Variants in ASF1B observed in about 807,000 individuals in gnomAD.
ASF1B encodes the protein histone chaperone ASF1B.
ASF1B carries 10 observed loss-of-function variants against 16.6 expected under a neutral mutation model. The ratio of observed to expected loss-of-function variants is 0.60; its 90% CI spans 0.37 to 1.02. The LOEUF (loss-of-function observed/expected upper bound fraction) is 1.02, where lower values mean the gene tolerates loss of function less well. Among genes scored for constraint, ASF1B ranks in the 50% least tolerant of loss-of-function variants. The pLI is 0.01. For missense variants in ASF1B, 240 were observed against 266.0 expected, an observed-to-expected ratio of 0.90 and a Z score of 0.68; for synonymous variants, 101 against 106.2, an observed-to-expected ratio of 0.95 and a Z score of 0.30.
chr19:14,133,132 A>G (rs1967431976), intron 1 of ASF1B, among the ~76,000 whole-genome samples: 1 of 151,490 alleles, frequency 6.6e-6, no homozygotes, highest in South Asian at 2.1e-4. Flanking sequence ...AAATAAATAA[A>G]TAAATAAATA....
chr19:14,136,560 C>G lies in ASF1B; in HGVS notation c.-104G>C, dbSNP rs879792270. 2.6e-5 allele frequency: 22 copies of G among 843,940 alleles called. No homozygotes were observed. Among genetic ancestry groups the G allele is most frequent in the African/African-American group, 1.7e-5 (1 of 58,262 alleles). 52.3% of individuals were successfully genotyped at this position (843,940 alleles called of 1,614,324 possible). ...TGGGGTAGGGCTGACCAGGTCCACT[C>G]CCGCCTCTTCTCTCCGAGAACTGAA... On this transcript the variant is annotated 5_prime_UTR_variant, in exon 1 of 4. Transcript: ENST00000263382.
At chr19:14,129,521 A>G (rs1348409669) in intron 1 of ASF1B, among the ~76,000 whole-genome samples, 2 of 150,860 alleles carry the variant, frequency 1.3e-5, no homozygotes, top group Non-Finnish European at 3.0e-5. Flanking sequence ...TACTAAAAAT[A>G]TAAAAATTTA....
chr19:14,126,045 GC>G, intron 2 of ASF1B, 76 bp downstream of exon 2: 1 of 1,186,256 alleles, frequency 8.4e-7, no homozygotes, highest in Non-Finnish European at 1.2e-6. Context: ...GATTCCTGAA[GC>G]ACTCTGTGGG....
At chr19:14,127,518 G>A (rs1967336395) in intron 1 of ASF1B, among the ~76,000 whole-genome samples, 1 of 152,188 alleles carries the variant, frequency 6.6e-6, no homozygotes, top group South Asian at 2.1e-4. Flanking sequence ...CTGCAGGAGG[G>A]GGAAGGTGAG....
intron 2 of ASF1B, among the ~76,000 whole-genome samples, chr19:14,125,866 T>C (rs1259896147): frequency 6.6e-6 from 1 of 152,094 alleles, no homozygotes; most frequent in East Asian, 1.9e-4. Context: ...ATGTTTTTAA[T>C]ACTTGTTTTT....
At chr19:14,126,302 C>A in intron 1 of ASF1B, 65 bp from the exon 2 acceptor site, 167 of 1,065,962 alleles carry the variant, frequency 1.6e-4, no homozygotes, top group Middle Eastern at 2.2e-4. Context: ...GGGATAGGCT[C>A]TTGTATTTTT....
chr19:14,134,277 CT>C (rs1967452284), intron 1 of ASF1B, among the ~76,000 whole-genome samples: 1 of 152,090 alleles, frequency 6.6e-6, no homozygotes, highest in Admixed American at 6.6e-5. Flanking sequence ...TACCCGCTGC[CT>C]TGTTCCAGAA....
At chr19:14,122,228 G>A (rs546970840) in intron 2 of ASF1B, among the ~76,000 whole-genome samples, 1 of 152,172 alleles carries the variant, frequency 6.6e-6, no homozygotes, top group South Asian at 2.1e-4. Context: ...ACTGCGCCCA[G>A]CCTTTTTTTT....
At chr19:14,121,031 G>C (rs940258414) in intron 3 of ASF1B, among the ~76,000 whole-genome samples, 1 of 152,010 alleles carries the variant, frequency 6.6e-6, no homozygotes, top group Admixed American at 6.6e-5. Context: ...ATGTTGGCCA[G>C]GCTGGTCTCA....
At chr19:14,134,932 AAAAG>A (rs1042087900) in intron 1 of ASF1B, among the ~76,000 whole-genome samples, 7 of 152,004 alleles carry the variant, frequency 4.6e-5, no homozygotes, top group African/African-American at 1.5e-4. Flanking sequence ...TTAAAAAAAA[AAAAG>A]AAGAAGACGG....
intron 1 of ASF1B, among the ~76,000 whole-genome samples, chr19:14,130,611 TCAC>T (rs1472417044): frequency 1.3e-5 from 2 of 151,590 alleles, no homozygotes; most frequent in African/African-American, 4.9e-5. Context: ...GGGACACAAA[TCAC>T]CAATACAGCA....
intron 2 of ASF1B, among the ~76,000 whole-genome samples, chr19:14,125,282 A>G (rs1967301080): frequency 6.6e-6 from 1 of 151,678 alleles, no homozygotes; most frequent in African/African-American, 2.4e-5. Context: ...TCTTTTCAAC[A>G]TAAACACACA....
chr19:14,136,042 T>C lies in ASF1B; in HGVS notation c.109+306A>G, dbSNP rs1442789252. ...GGGGCTTGGAGGGGGTTAATCTCTA[T>C]GGGGAGGTCGGGGCGGGCAGTGGGG... On this transcript the variant is annotated intron_variant, in intron 1 of 3. Transcript: ENST00000263382. Among the ~76,000 whole-genome samples the C allele has an allele frequency of 1.2e-4, 7 of 58,702 alleles. No homozygotes were observed. The East Asian group carries it at 1.3e-3, about 11-fold the overall frequency. 38.5% of individuals were successfully genotyped at this position (58,702 alleles called of 152,430 possible).
At chr19:14,123,580 C>G (rs1189540054) in intron 2 of ASF1B, among the ~76,000 whole-genome samples, 2 of 151,776 alleles carry the variant, frequency 1.3e-5, no homozygotes, top group Non-Finnish European at 2.9e-5. Flanking sequence ...TGGGGCTTCA[C>G]CATGTTAGCC....
chr19:14,131,012 G>C (rs538783800), intron 1 of ASF1B, among the ~76,000 whole-genome samples: 1 of 151,704 alleles, frequency 6.6e-6, no homozygotes, highest in South Asian at 2.1e-4. Flanking sequence ...CAAATAGCTG[G>C]GACTACAGGC....
intron 1 of ASF1B, among the ~76,000 whole-genome samples, chr19:14,129,863 A>G (rs1967375278): frequency 6.6e-6 from 1 of 150,978 alleles, no homozygotes; most frequent in African/African-American, 2.4e-5. Flanking sequence ...CCTGGGCAAC[A>G]TGGTGATACA....
chr19:14,130,781 T>G (rs8105076), intron 1 of ASF1B, among the ~76,000 whole-genome samples: 25,014 of 131,886 alleles, frequency 0.19, 2,497 homozygotes, highest in African/African-American at 0.31. Context: ...CACTGTGTGT[T>G]TGTGTGTATA....
At chr19:14,128,320 C>A (rs1409781210) in intron 1 of ASF1B, among the ~76,000 whole-genome samples, 1 of 152,214 alleles carries the variant, frequency 6.6e-6, no homozygotes, top group Non-Finnish European at 1.5e-5. Flanking sequence ...ACTACAGAGG[C>A]TTGTCACCTG....
intron 1 of ASF1B, among the ~76,000 whole-genome samples, chr19:14,133,537 A>T (rs1235989683): frequency 6.6e-6 from 1 of 151,860 alleles, no homozygotes; most frequent in African/African-American, 2.4e-5. Flanking sequence ...GCGTCATAGC[A>T]GGCACCTGTA....
Sources: gnomAD v4.1 joint callset for allele counts (sites outside exome capture counted in the v4.1 genomes callset) on GRCh38, gnomAD v4.1.1 for gene constraint, MANE v1.5 for transcripts, NCBI Gene and HGNC (gene_info 2026-07-23, HGNC 2026-07-21) for gene names.